Variants in ZC3H12B observed in about 807,000 individuals in gnomAD.
ZC3H12B encodes zinc finger CCCH-type containing 12B.
Under a neutral mutation model 43.9 loss-of-function variants are expected in ZC3H12B, and 7 were observed. The observed-to-expected ratio is 0.16, with a 90% CI of 0.09 to 0.30. ZC3H12B has a LOEUF of 0.30. Among genes scored for constraint, ZC3H12B ranks in the 10% least tolerant of loss-of-function variants. ZC3H12B has a pLI of 1.00. For missense variants in ZC3H12B, 475 were observed against 670.2 expected, an observed-to-expected ratio of 0.71 and a Z score of 3.22; for synonymous variants, 222 against 241.7, an observed-to-expected ratio of 0.92 and a Z score of 0.76.
At chrX:65,318,436 C>T in the ZC3H12B span, among the ~76,000 whole-genome samples, 1 of 100,866 alleles carries the variant, frequency 9.9e-6, no homozygotes, top group Non-Finnish European at 2.0e-5. Context: ...TTTTTTGAGA[C>T]AGAGTTTCAC....
At chrX:65,231,321 A>G in the ZC3H12B span, among the ~76,000 whole-genome samples, 20 of 111,090 alleles carry the variant, frequency 1.8e-4, no homozygotes, top group Admixed American at 6.7e-4. Context: ...AGAATTACTG[A>G]TGAGGGTCCA....
chrX:65,365,047 A>G (rs1307389948), upstream of ZC3H12B, among the ~76,000 whole-genome samples: 1 of 111,065 alleles, frequency 9.0e-6, no homozygotes, highest in Non-Finnish European at 1.9e-5. Context: ...CTACCTCTAT[A>G]CAGTCCAATA....
chrX:65,405,682 T>C (rs2066813078), intron 3 of ZC3H12B, among the ~76,000 whole-genome samples: 1 of 111,099 alleles, frequency 9.0e-6, no homozygotes, highest in Non-Finnish European at 1.9e-5. Context: ...ATGAGGAAAA[T>C]AATACAAAAG....
At chrX:65,152,786 G>A in the ZC3H12B span, among the ~76,000 whole-genome samples, 1 of 111,739 alleles carries the variant, frequency 8.9e-6, no homozygotes, top group African/African-American at 3.3e-5. Flanking sequence ...TCAATCCTAA[G>A]CCAAAGGAAC....
At chrX:65,196,755 A>C in the ZC3H12B span, among the ~76,000 whole-genome samples, 7 of 111,587 alleles carry the variant, frequency 6.3e-5, no homozygotes, top group East Asian at 8.5e-4. Flanking sequence ...GTCACCTGCC[A>C]TATCACCTCC....
upstream of ZC3H12B, among the ~76,000 whole-genome samples, chrX:65,364,765 C>T (rs1281430669): frequency 1.8e-5 from 2 of 111,697 alleles, no homozygotes; most frequent in Non-Finnish European, 3.8e-5. Context: ...AAGGAAATCA[C>T]TTCTCAGTAT....
chrX:65,474,475 C>A (rs2067966673), intron 3 of ZC3H12B, among the ~76,000 whole-genome samples: 1 of 111,495 alleles, frequency 9.0e-6, no homozygotes, highest in South Asian at 3.8e-4. Flanking sequence ...CCATACTCTG[C>A]CTTTGATTGG....
intron 2 of ZC3H12B, among the ~76,000 whole-genome samples, chrX:65,379,421 A>C (rs902220159): frequency 8.0e-5 from 9 of 111,949 alleles, no homozygotes; most frequent in Non-Finnish European, 1.7e-4. Flanking sequence ...GAAAACTAAC[A>C]AACAGAAAGG....
chrX:65,067,701 T>A, the ZC3H12B span, among the ~76,000 whole-genome samples: 2 of 111,930 alleles, frequency 1.8e-5, no homozygotes, highest in Non-Finnish European at 3.8e-5. Flanking sequence ...CAACTTTTTG[T>A]TTCATTGATC....
chrX:65,376,753 AC>A (rs1340924742), intron 2 of ZC3H12B, among the ~76,000 whole-genome samples: 1 of 111,844 alleles, frequency 8.9e-6, no homozygotes, highest in Admixed American at 9.5e-5. Context: ...TAACGTCACA[AC>A]ACTCAAGTCC....
intron 3 of ZC3H12B, among the ~76,000 whole-genome samples, chrX:65,427,876 T>C (rs1204260140): frequency 8.9e-6 from 1 of 112,022 alleles, no homozygotes; most frequent in Non-Finnish European, 1.9e-5. Flanking sequence ...TTTTTGTACT[T>C]CAGTGTGTTT....
At chrX:65,243,553 G>C in the ZC3H12B span, among the ~76,000 whole-genome samples, 1 of 111,761 alleles carries the variant, frequency 8.9e-6, no homozygotes, top group Non-Finnish European at 1.9e-5. Flanking sequence ...CTGTGGAAAA[G>C]AGTATAGAAG....
the ZC3H12B span, among the ~76,000 whole-genome samples, chrX:65,220,696 A>G: frequency 1.3e-3 from 145 of 112,302 alleles, no homozygotes; most frequent in African/African-American, 4.5e-3. Context: ...TCCCAAGTTT[A>G]TAAAACAATT....
chrX:65,114,374 G>GT, the ZC3H12B span, among the ~76,000 whole-genome samples: 1 of 109,706 alleles, frequency 9.1e-6, no homozygotes, highest in Non-Finnish European at 1.9e-5. Context: ...TGTGATTGGA[G>GT]TTTTCTTTTT....
At chrX:65,071,820 A>G in the ZC3H12B span, among the ~76,000 whole-genome samples, 1 of 111,797 alleles carries the variant, frequency 8.9e-6, no homozygotes. Flanking sequence ...TGAGGCGTCC[A>G]CTGTTAGTCT....
the ZC3H12B span, among the ~76,000 whole-genome samples, chrX:65,140,402 A>G: frequency 1.8e-5 from 2 of 111,628 alleles, no homozygotes; most frequent in Admixed American, 1.9e-4. Flanking sequence ...CAAATTTATA[A>G]ATTTGTATAT....
At chrX:65,384,308 G>C (rs1036612948) in intron 2 of ZC3H12B, among the ~76,000 whole-genome samples, 14 of 109,161 alleles carry the variant, frequency 1.3e-4, no homozygotes, top group African/African-American at 4.3e-4. Flanking sequence ...TCATAGGTGG[G>C]AATTGAACAA....
intron 3 of ZC3H12B, among the ~76,000 whole-genome samples, chrX:65,413,841 G>T (rs988415553): frequency 9.0e-6 from 1 of 111,710 alleles, no homozygotes; most frequent in African/African-American, 3.3e-5. Context: ...TTGTAAATTT[G>T]GTAGACATTC....
At chrX:65,489,485 CATT>C in intron 1 of ZC3H12B, 76 bp downstream of exon 6, 1 of 1,075,124 alleles carries the variant, frequency 9.3e-7, no homozygotes, top group Non-Finnish European at 1.2e-6. Context: ...CTTTGCAAAT[CATT>C]ATAAGAGGAG....
Sources: gnomAD v4.1 joint callset for allele counts (sites outside exome capture counted in the v4.1 genomes callset) on GRCh38, gnomAD v4.1.1 for gene constraint, MANE v1.5 for transcripts, NCBI Gene and HGNC (gene_info 2026-07-23, HGNC 2026-07-21) for gene names.